Variants in CLEC16A observed in about 807,000 individuals in gnomAD.
The protein encoded by CLEC16A is protein CLEC16A.
In CLEC16A, 51 loss-of-function variants were observed where a neutral mutation model predicts 109.5. The observed-to-expected ratio is 0.47, with a 90% CI of 0.37 to 0.59. The LOEUF is 0.59. Among genes scored for constraint, CLEC16A ranks in the 20% least tolerant of loss-of-function variants. The pLI is 0.00. For missense variants in CLEC16A, 1,339 were observed against 1,394.0 expected (o/e 0.96, Z 0.63); for synonymous variants, 673 against 564.2 (o/e 1.19, Z -2.73).
intron 7 of CLEC16A, 147 bp downstream of exon 7, chr16:10,973,208 G>A: frequency 1.1e-6 from 1 of 894,154 alleles, no homozygotes; most frequent in Non-Finnish European, 1.6e-6. Flanking sequence ...AAAAGGTCCT[G>A]CTCACCTATT....
At chr16:10,992,160 C>G (rs1252403987) in intron 10 of CLEC16A, among the ~76,000 whole-genome samples, 1 of 152,150 alleles carries the variant, frequency 6.6e-6, no homozygotes, top group Non-Finnish European at 1.5e-5. Flanking sequence ...AGAAAAAATA[C>G]AATACCTTAC....
intron 10 of CLEC16A, among the ~76,000 whole-genome samples, chr16:10,991,038 A>G (rs1484966334): frequency 6.6e-6 from 1 of 152,210 alleles, no homozygotes; most frequent in Non-Finnish European, 1.5e-5. Context: ...CTGGAGATAT[A>G]TACCCAGTGA....
chr16:11,042,410 CAGG>C (rs1482028937), intron 15 of CLEC16A, 47 bp downstream of exon 15: 1 of 1,390,926 alleles, frequency 7.2e-7, no homozygotes. Context: ...GGGAGAGGGA[CAGG>C]AGGACAGGAG....
chr16:11,029,042 G>A (rs2046588361), intron 13 of CLEC16A, among the ~76,000 whole-genome samples: 1 of 152,146 alleles, frequency 6.6e-6, no homozygotes, highest in Non-Finnish European at 1.5e-5. Context: ...GACAGTTACT[G>A]TGGTTTTTCA....
Position 10,986,317 on chromosome 16 carries a change from G to A in CLEC16A, c.1071+3326G>A, listed in dbSNP as rs368593228. On this transcript the variant is annotated intron_variant, in intron 10 of 23. Transcript: ENST00000409790. ...AGTGCTGAGATTACAGGCATGAGCC[G>A]GCCTGCTGCATTTTTAGAGTTGTGA... 1.5e-4 allele frequency among the ~76,000 whole-genome samples: 23 copies of A among 152,014 alleles called. 1 individual carries two copies. In the South Asian group the frequency reaches 3.8e-3, roughly 25 times the overall value.
At chr16:10,944,860 C>T (rs1377191580) in intron 1 of CLEC16A, 63 bp downstream of exon 1, 4 of 1,450,986 alleles carry the variant, frequency 2.8e-6, no homozygotes, top group Admixed American at 3.9e-5. Flanking sequence ...CGCCGAGCTC[C>T]GGGTCGGGGC....
chr16:10,947,933 G>T (rs563180104), intron 1 of CLEC16A, among the ~76,000 whole-genome samples: 8 of 151,702 alleles, frequency 5.3e-5, no homozygotes, highest in African/African-American at 1.2e-4. Flanking sequence ...TTGCTCTGTT[G>T]CCCAGGCTGG....
chr16:11,037,356 C>G (rs1349146063), intron 13 of CLEC16A, among the ~76,000 whole-genome samples: 1 of 152,194 alleles, frequency 6.6e-6, no homozygotes, highest in Non-Finnish European at 1.5e-5. Context: ...CTTGGGGAAA[C>G]AACATAACAA....
chr16:11,033,991 C>T (rs2046887517), intron 13 of CLEC16A, among the ~76,000 whole-genome samples: 2 of 152,172 alleles, frequency 1.3e-5, no homozygotes, highest in Non-Finnish European at 2.9e-5. Context: ...GTTCAGTGAC[C>T]AACCTTCTAC....
At chr16:11,107,408 T>G (rs2051289859) in intron 19 of CLEC16A, among the ~76,000 whole-genome samples, 1 of 152,200 alleles carries the variant, frequency 6.6e-6, no homozygotes, top group African/African-American at 2.4e-5. Flanking sequence ...AAAAAGTAAT[T>G]GATTGCTACT....
chr16:11,149,664 C>A (rs936240162), intron 22 of CLEC16A, among the ~76,000 whole-genome samples: 5 of 152,020 alleles, frequency 3.3e-5, no homozygotes, highest in Non-Finnish European at 5.9e-5. Flanking sequence ...TGGTGCCCAC[C>A]GGTAATCCCA....
At chr16:10,972,856 G>C in intron 6 of CLEC16A, 82 bp from the exon 7 acceptor site, 1 of 1,435,662 alleles carries the variant, frequency 7.0e-7, no homozygotes, top group South Asian at 1.4e-5. Context: ...TTTGGGTTTT[G>C]CTTTGTTTTT....
chr16:11,029,966 T>A (rs1004341290), intron 13 of CLEC16A, among the ~76,000 whole-genome samples: 1 of 152,240 alleles, frequency 6.6e-6, no homozygotes, highest in African/African-American at 2.4e-5. Context: ...AAATTTTGTA[T>A]AAACAGAGTC....
intron 13 of CLEC16A, among the ~76,000 whole-genome samples, chr16:11,034,581 A>G (rs914779294): frequency 1.3e-5 from 2 of 151,618 alleles, no homozygotes; most frequent in African/African-American, 4.9e-5. Context: ...TCCGCCCTCC[A>G]CCCCTGTCCA....
At chr16:11,014,902 C>CTCCCCTG (rs1330902010) in intron 11 of CLEC16A, among the ~76,000 whole-genome samples, 8 of 152,192 alleles carry the variant, frequency 5.3e-5, no homozygotes, top group African/African-American at 1.9e-4. Context: ...CCCTGTGACC[C>CTCCCCTG]TGATCATCAG....
chr16:11,171,500 C>G (rs769442108), intron 23 of CLEC16A, among the ~76,000 whole-genome samples: 1 of 152,188 alleles, frequency 6.6e-6, no homozygotes, highest in Non-Finnish European at 1.5e-5. Context: ...ACCCTCCCCA[C>G]GAAGTGTCCA....
intron 19 of CLEC16A, among the ~76,000 whole-genome samples, chr16:11,118,626 G>C (rs2052178084): frequency 1.3e-5 from 2 of 152,182 alleles, no homozygotes; most frequent in African/African-American, 2.4e-5. Context: ...AAATGTTACT[G>C]AGGTTCTTGG....
intron 9 of CLEC16A, among the ~76,000 whole-genome samples, chr16:10,979,615 A>T (rs1186498956): frequency 6.6e-6 from 1 of 152,194 alleles, no homozygotes; most frequent in Non-Finnish European, 1.5e-5. Context: ...AAATAAACCA[A>T]ACCTAACTTG....
chr16:11,020,437 C>G (rs1274006035), intron 12 of CLEC16A, 112 bp downstream of exon 12: 5 of 1,315,822 alleles, frequency 3.8e-6, no homozygotes, highest in African/African-American at 3.0e-5. Context: ...CCCGACCATG[C>G]TGCCTCCCTT....
Sources: allele counts gnomAD v4.1 joint callset (sites outside exome capture counted in the v4.1 genomes callset), GRCh38; gene constraint gnomAD v4.1.1; transcripts MANE v1.5; gene names NCBI Gene and HGNC (gene_info 2026-07-23, HGNC 2026-07-21).